The following CTNNA2 variants were observed in gnomAD, a reference collection of about 807,000 sequenced individuals.
CTNNA2 encodes catenin alpha 2.
A neutral mutation model predicts 101.0 loss-of-function variants in CTNNA2; 42 were observed. That is an observed-to-expected ratio of 0.42 (90% CI 0.32 to 0.54). The LOEUF (loss-of-function observed/expected upper bound fraction) is 0.54, where lower values mean the gene tolerates loss of function less well. CTNNA2 is among the 20% of genes least tolerant of loss of function. CTNNA2 has a pLI of 0.14. For missense variants in CTNNA2, 871 were observed against 1,223.1 expected, an observed-to-expected ratio of 0.71 and a Z score of 4.29; for synonymous variants, 450 against 456.4, an observed-to-expected ratio of 0.99 and a Z score of 0.18.
intron 7 of CTNNA2, among the ~76,000 whole-genome samples, chr2:80,210,652 T>C (rs1707829864): frequency 6.6e-6 from 1 of 152,208 alleles, no homozygotes; most frequent in Non-Finnish European, 1.5e-5. Flanking sequence ...TTTGCTATTG[T>C]GAATAGTGCC....
At chr2:79,477,604 A>G (rs1671064819) in intron 4 of CTNNA2, among the ~76,000 whole-genome samples, 1 of 152,202 alleles carries the variant, frequency 6.6e-6, no homozygotes, top group Non-Finnish European at 1.5e-5. Context: ...TGCATTTCCT[A>G]GGCAGTTTTT....
chr2:79,372,317 G>A (rs535772100), intron 3 of CTNNA2, among the ~76,000 whole-genome samples: 5 of 152,248 alleles, frequency 3.3e-5, no homozygotes, highest in South Asian at 4.1e-4. Context: ...GCCCAGCAAA[G>A]AAGCAGTCCC....
intron 2 of CTNNA2, among the ~76,000 whole-genome samples, chr2:79,661,156 T>C (rs1682009213): frequency 6.6e-6 from 1 of 152,182 alleles, no homozygotes; most frequent in Non-Finnish European, 1.5e-5. Context: ...CACAGCTATT[T>C]AGTGCACCAT....
rs1681257230 is a variant in CTNNA2, at chr2:79,651,603, G to T, written c.47G>T (p.Ser16Ile). The T allele has an allele frequency of 1.9e-6, 3 of 1,613,762 alleles. No individual in the cohort carries two copies. In the Admixed American group the frequency reaches 5.0e-5, roughly 27 times the overall value. Residue 16 changes from serine (S) to isoleucine (I), a missense_variant, in exon 2 of 19, where the codon AGT becomes ATT. Coordinates refer to ENST00000402739, the MANE Select transcript of CTNNA2 (RefSeq NM_001282597.3). ...SPIILKWDPKSLEIRTLTVER... is the reference protein window; with the variant it reads ...SPIILKWDPKILEIRTLTVER... Reference sequence around the variant, plus strand: ...ATCATTCTGAAATGGGACCCCAAAAGTTTGGAAATCCGGACGCTAACAGTG... The same window carrying T: ...ATCATTCTGAAATGGGACCCCAAAATTTTGGAAATCCGGACGCTAACAGTG...
chr2:79,595,031 G>T lies in CTNNA2; in HGVS notation c.-5-56521G>T, dbSNP rs17714736. On this transcript the variant is annotated intron_variant, in intron 1 of 18. Transcript: ENST00000402739. ...GCTATAATTGCTGATATTGATCAAG[G>T]AACCTAATGATTAGATGACTGTGAC... 2.6e-5 allele frequency among the ~76,000 whole-genome samples: 4 copies of T among 151,846 alleles called. No homozygotes were observed. In the East Asian group the frequency reaches 7.8e-4, roughly 30 times the overall value.
At chr2:79,192,030 C>T (rs1309379662) in intron 1 of CTNNA2, among the ~76,000 whole-genome samples, 1 of 151,912 alleles carries the variant, frequency 6.6e-6, no homozygotes. Flanking sequence ...GGGATCCGGT[C>T]AAGGTGCGAA....
chr2:80,044,829 T>C (rs1696409435), intron 7 of CTNNA2, among the ~76,000 whole-genome samples: 1 of 152,202 alleles, frequency 6.6e-6, no homozygotes, highest in South Asian at 2.1e-4. Context: ...GTCACATGTA[T>C]GAATGAGATC....
intron 2 of CTNNA2, among the ~76,000 whole-genome samples, chr2:79,269,199 G>C (rs1675029324): frequency 6.6e-6 from 1 of 152,068 alleles, no homozygotes; most frequent in Non-Finnish European, 1.5e-5. Context: ...CAGTTAAAAA[G>C]CTAAGCACCT....
chr2:79,695,464 C>G (rs150427296), intron 2 of CTNNA2, among the ~76,000 whole-genome samples: 17 of 151,994 alleles, frequency 1.1e-4, no homozygotes, highest in African/African-American at 4.1e-4. Context: ...TATACATATT[C>G]AATAAACTAT....
chr2:79,544,423 C>T (rs1394832643), intron 1 of CTNNA2, among the ~76,000 whole-genome samples: 1 of 152,034 alleles, frequency 6.6e-6, no homozygotes, highest in Non-Finnish European at 1.5e-5. Flanking sequence ...GCAATTGAAA[C>T]AAACTTTTCT....
At chr2:80,200,450 G>T (rs887428111) in intron 7 of CTNNA2, among the ~76,000 whole-genome samples, 2 of 152,090 alleles carry the variant, frequency 1.3e-5, no homozygotes, top group Admixed American at 6.6e-5. Flanking sequence ...ATACTACTTT[G>T]TATGAGAATA....
chr2:79,917,670 G>T (rs1686348898), intron 7 of CTNNA2, among the ~76,000 whole-genome samples: 1 of 152,096 alleles, frequency 6.6e-6, no homozygotes, highest in African/African-American at 2.4e-5. Flanking sequence ...GTGCTCAACT[G>T]TGTTTACTGT....
chr2:79,650,433 C>T (rs181059395), intron 1 of CTNNA2, among the ~76,000 whole-genome samples: 1 of 151,610 alleles, frequency 6.6e-6, no homozygotes, highest in Non-Finnish European at 1.5e-5. Flanking sequence ...AACTCTTGTC[C>T]CAAGGAGTAT....
intron 2 of CTNNA2, among the ~76,000 whole-genome samples, chr2:79,715,809 T>C (rs1309585144): frequency 6.6e-6 from 1 of 151,642 alleles, no homozygotes. Flanking sequence ...GAAAAGTGAG[T>C]GACCCACATC....
At chr2:79,222,683 T>TTCTC (rs201358863) in intron 2 of CTNNA2, among the ~76,000 whole-genome samples, 3 of 150,878 alleles carry the variant, frequency 2.0e-5, no homozygotes, top group South Asian at 2.1e-4. Context: ...TCTTCCTTTA[T>TTCTC]TCTCTCTCTC....
intron 7 of CTNNA2, among the ~76,000 whole-genome samples, chr2:80,230,091 G>A (rs528220963): frequency 6.6e-6 from 1 of 152,052 alleles, no homozygotes; most frequent in Non-Finnish European, 1.5e-5. Flanking sequence ...ACACCATAGA[G>A]CCTAGGCAAG....
intron 7 of CTNNA2, among the ~76,000 whole-genome samples, chr2:80,254,245 A>G (rs1429245577): frequency 1.3e-5 from 2 of 152,064 alleles, no homozygotes; most frequent in Non-Finnish European, 2.9e-5. Flanking sequence ...CTCTTGACTC[A>G]TATATTATGT....
At chr2:80,112,781 A>G (rs1004710481) in intron 7 of CTNNA2, among the ~76,000 whole-genome samples, 6 of 152,170 alleles carry the variant, frequency 3.9e-5, no homozygotes, top group African/African-American at 1.4e-4. Context: ...TGTGCCAACA[A>G]ATTGTATTAG....
chr2:80,620,298 A>C lies in CTNNA2; in HGVS notation c.2574+1070A>C, dbSNP rs142289609. 2.5e-4 allele frequency among the ~76,000 whole-genome samples: 37 copies of C among 148,222 alleles called. No homozygotes were observed. The East Asian group carries it at 6.0e-3, about 24-fold the overall frequency. On this transcript the variant is annotated intron_variant, in intron 18 of 18. Transcript: ENST00000402739. ...CATCCCTGGTTGGCTAGCCATGATGAACATTTGTGTTGGAGAATTGGTTTC... is the reference window on the plus strand; with the variant it reads ...CATCCCTGGTTGGCTAGCCATGATGCACATTTGTGTTGGAGAATTGGTTTC...
Sources: gnomAD v4.1 joint callset for allele counts (sites outside exome capture counted in the v4.1 genomes callset) on GRCh38, gnomAD v4.1.1 for gene constraint, MANE v1.5 for transcripts, NCBI Gene and HGNC (gene_info 2026-07-23, HGNC 2026-07-21) for gene names.